CNTN3: variants seen among roughly 807,000 people sequenced by gnomAD.
CNTN3 encodes the protein contactin-3.
CNTN3 carries 60 observed loss-of-function variants against 119.1 expected under a neutral mutation model. That is an observed-to-expected ratio of 0.50 (90% confidence interval 0.41 to 0.62). CNTN3 has a LOEUF of 0.62. Among genes scored for constraint, CNTN3 ranks in the 20% least tolerant of loss-of-function variants. CNTN3 has a pLI of 0.00. For synonymous variants in CNTN3, 450 were observed against 438.7 expected, an observed-to-expected ratio of 1.03 and a Z score of -0.32; for missense variants, 1,101 against 1,242.4, an observed-to-expected ratio of 0.89 and a Z score of 1.71.
chr3:74,316,175 T>G (rs543473042), intron 13 of CNTN3, among the ~76,000 whole-genome samples: 1 of 152,066 alleles, frequency 6.6e-6, no homozygotes, highest in South Asian at 2.1e-4. Flanking sequence ...AGTGGGCAAA[T>G]GACATGAACA....
chr3:74,593,329 C>T (rs765732528), intron 1 of CNTN3, among the ~76,000 whole-genome samples: 5 of 151,902 alleles, frequency 3.3e-5, no homozygotes, highest in Non-Finnish European at 5.9e-5. Flanking sequence ...TCTATTTTCT[C>T]TATTGTTTCG....
intron 2 of CNTN3, among the ~76,000 whole-genome samples, chr3:74,512,886 A>G (rs1373402788): frequency 7.8e-6 from 1 of 128,776 alleles, no homozygotes. Context: ...CTCGTTTTGT[A>G]CATATGTCTG....
At chr3:74,337,533 T>C (rs1703426967) in intron 11 of CNTN3, among the ~76,000 whole-genome samples, 1 of 151,744 alleles carries the variant, frequency 6.6e-6, no homozygotes, top group African/African-American at 2.4e-5. Flanking sequence ...TGGTAAAAGG[T>C]GAAATGCATG....
intron 13 of CNTN3, among the ~76,000 whole-genome samples, chr3:74,305,542 C>T (rs1419713078): frequency 6.6e-6 from 1 of 152,004 alleles, no homozygotes; most frequent in Admixed American, 6.6e-5. Flanking sequence ...GTGGAATAAT[C>T]ATTTAACAAA....
intron 20 of CNTN3, among the ~76,000 whole-genome samples, chr3:74,283,612 T>A (rs1702056946): frequency 6.6e-6 from 1 of 152,168 alleles, no homozygotes; most frequent in South Asian, 2.1e-4. Context: ...CTATCATAAT[T>A]TCCTAGCAAG....
At chr3:74,527,920 C>T (rs966662372) in intron 1 of CNTN3, among the ~76,000 whole-genome samples, 2 of 151,928 alleles carry the variant, frequency 1.3e-5, no homozygotes, top group Non-Finnish European at 2.9e-5. Flanking sequence ...AGGAGAACAG[C>T]ACTGTCTAAT....
chr3:74,516,532 T>C (rs1403509886), intron 2 of CNTN3, among the ~76,000 whole-genome samples: 6 of 150,890 alleles, frequency 4.0e-5, no homozygotes, highest in South Asian at 4.1e-4. Context: ...ACCAAATATG[T>C]GTTAATTGAC....
chr3:74,487,233 T>C (rs1172703904), intron 3 of CNTN3, among the ~76,000 whole-genome samples: 3 of 152,166 alleles, frequency 2.0e-5, no homozygotes, highest in South Asian at 2.1e-4. Flanking sequence ...CCCAGAGCCA[T>C]ATTTATCAAC....
At chr3:74,334,222 G>C (rs1703335194) in intron 13 of CNTN3, among the ~76,000 whole-genome samples, 1 of 152,200 alleles carries the variant, frequency 6.6e-6, no homozygotes, top group African/African-American at 2.4e-5. Flanking sequence ...CTAGCTGAGT[G>C]ACTCTGGGCA....
At chr3:74,405,056 CATT>C (rs1277005828) in intron 5 of CNTN3, among the ~76,000 whole-genome samples, 1 of 151,950 alleles carries the variant, frequency 6.6e-6, no homozygotes, top group East Asian at 1.9e-4. Context: ...CATTTTCTAT[CATT>C]ATGTCTCTTA....
At chr3:74,461,847 GT>G (rs1702373481) in intron 4 of CNTN3, among the ~76,000 whole-genome samples, 1 of 152,030 alleles carries the variant, frequency 6.6e-6, no homozygotes, top group African/African-American at 2.4e-5. Flanking sequence ...GACCACTTAT[GT>G]TTCTCAATTC....
intron 1 of CNTN3, among the ~76,000 whole-genome samples, chr3:74,559,617 GAA>G (rs55881426): frequency 1.5e-4 from 22 of 149,168 alleles, no homozygotes; most frequent in South Asian, 2.1e-4. Flanking sequence ...AAAAAGAAAA[GAA>G]AAAAAAAAAG....
intron 1 of CNTN3, among the ~76,000 whole-genome samples, chr3:74,576,608 C>T (rs1281682252): frequency 1.3e-5 from 2 of 152,030 alleles, no homozygotes; most frequent in Non-Finnish European, 2.9e-5. Context: ...TCAGAGTGAT[C>T]ACACTTATTC....
intron 5 of CNTN3, among the ~76,000 whole-genome samples, chr3:74,407,033 A>T (rs1028641134): frequency 1.5e-4 from 23 of 152,128 alleles, no homozygotes; most frequent in African/African-American, 5.6e-4. Flanking sequence ...CTCAAAACCG[A>T]GGATGTATAG....
At chr3:74,444,906 A>G (rs1702024225) in intron 4 of CNTN3, among the ~76,000 whole-genome samples, 1 of 152,198 alleles carries the variant, frequency 6.6e-6, no homozygotes, top group South Asian at 2.1e-4. Context: ...ATAATTATGA[A>G]TATTTTTATG....
chr3:74,547,138 T>A (rs1473509119), intron 1 of CNTN3, among the ~76,000 whole-genome samples: 1 of 152,168 alleles, frequency 6.6e-6, no homozygotes, highest in East Asian at 1.9e-4. Context: ...CATATATTCA[T>A]TTACACGTAC....
rs187786824 is a variant in CNTN3 at position 74,267,298 on chromosome 3, T to C, written c.2785A>G (p.Met929Val). 2 of 1,612,848 alleles carry C rather than the reference T, an allele frequency of 1.2e-6. No individual in the cohort carries two copies. The highest frequency in any genetic ancestry group is 1.3e-5 in the African/African-American group (1 of 74,866). Residue 929 changes from methionine to valine, a missense_variant, in exon 21 of 23, where the codon ATG (methionine) becomes GTG (valine). Coordinates refer to ENST00000263665, the MANE Select transcript of CNTN3 (RefSeq NM_020872.3). Reference protein sequence around the residue: ...VLLNWEQVKAMENESEVTGYK... With the variant: ...VLLNWEQVKAVENESEVTGYK... ...CCTGTTACTTCTGACTCATTCTCCATGGCTTTAACTTGCTCCCAATTAAGT... is the reference window on the plus strand; with the variant it reads ...CCTGTTACTTCTGACTCATTCTCCACGGCTTTAACTTGCTCCCAATTAAGT...
At chr3:74,425,812 G>A (rs960350292) in intron 4 of CNTN3, among the ~76,000 whole-genome samples, 1 of 151,864 alleles carries the variant, frequency 6.6e-6, no homozygotes, top group Non-Finnish European at 1.5e-5. Flanking sequence ...CTGAGTATAA[G>A]TCCTATTTTT....
chr3:74,308,809 AAACTGATTAACTTTCTTC>A (rs1465579428), intron 13 of CNTN3, among the ~76,000 whole-genome samples: 1 of 152,124 alleles, frequency 6.6e-6, no homozygotes, highest in Non-Finnish European at 1.5e-5. Flanking sequence ...AATTTTTCTT[AAACTGATTAACTTTCTTC>A]AACTTAATGT....
Sources: allele counts gnomAD v4.1 joint callset (sites outside exome capture counted in the v4.1 genomes callset), GRCh38; gene constraint gnomAD v4.1.1; transcripts MANE v1.5; gene names NCBI Gene and HGNC (gene_info 2026-07-23, HGNC 2026-07-21).